CSF2RA: variants seen among roughly 807,000 people sequenced by gnomAD.
The protein encoded by CSF2RA is granulocyte-macrophage colony-stimulating factor receptor subunit alpha.
In CSF2RA, 42 loss-of-function variants were observed where a neutral mutation model predicts 51.6. The ratio of observed to expected loss-of-function variants is 0.81; its 90% CI spans 0.64 to 1.05. The LOEUF is 1.05. Ranked by LOEUF, CSF2RA falls within the 50% of genes least tolerant of loss-of-function variation. The pLI, the probability that CSF2RA is intolerant of heterozygous loss-of-function variation, is 0.00. For missense variants in CSF2RA, 530 were observed against 501.1 expected (o/e 1.06, Z -0.55); for synonymous variants, 222 against 193.0 (o/e 1.15, Z -1.24).
At chrX:1,324,590 GAA>G in the CSF2RA span, among the ~76,000 whole-genome samples, 1 of 151,278 alleles carries the variant, frequency 6.6e-6, no homozygotes, top group Non-Finnish European at 1.5e-5. Context: ...GAAAGAAAGA[GAA>G]AGAGAGAAAG....
At chrX:1,282,599 A>G in intron 2 of CSF2RA, 79 bp from the exon 3 acceptor site, 2 of 1,058,658 alleles carry the variant, frequency 1.9e-6, no homozygotes, top group Non-Finnish European at 3.0e-6. Flanking sequence ...GTTTCCCCAA[A>G]TCACCTCCCT....
the CSF2RA span, among the ~76,000 whole-genome samples, chrX:1,316,266 A>G: frequency 0.21 from 14,324 of 66,892 alleles, 650 homozygotes; most frequent in Middle Eastern, 0.26. Flanking sequence ...TAGATGATAG[A>G]TAGATAGATA....
intron 1 of CSF2RA, 47 bp from the exon 2 acceptor site, chrX:1,274,708 T>C (rs1480529495): frequency 1.1e-5 from 5 of 452,362 alleles, no homozygotes; most frequent in Non-Finnish European, 2.2e-5. Flanking sequence ...GTTTCCACTA[T>C]AACCTTTCAT....
chrX:1,311,372 C>G (rs138157973), downstream of CSF2RA, among the ~76,000 whole-genome samples: 221 of 152,134 alleles, frequency 1.5e-3, 2 homozygotes, highest in East Asian at 0.036. Flanking sequence ...TGTTGAGCTT[C>G]TCAGCAGCAG....
downstream of CSF2RA, among the ~76,000 whole-genome samples, chrX:1,311,695 C>T (rs1342287194): frequency 5.3e-5 from 8 of 152,148 alleles, no homozygotes; most frequent in Admixed American, 1.3e-4. Context: ...CCCCCCTTGG[C>T]GTCTCCACGT....
the CSF2RA span, among the ~76,000 whole-genome samples, chrX:1,315,400 ATT>A: frequency 2.4e-4 from 37 of 152,018 alleles, no homozygotes; most frequent in African/African-American, 8.7e-4. Flanking sequence ...GATGAATTTT[ATT>A]TTATTTTATT....
chrX:1,305,810 G>C, intron 12 of CSF2RA: 1 of 1,545,290 alleles, frequency 6.5e-7, no homozygotes, highest in Non-Finnish European at 8.8e-7. Context: ...GCCAGGCACG[G>C]TGGCTCATGC....
intron 10 of CSF2RA, 79 bp downstream of exon 10, chrX:1,300,705 T>C (rs1233677005): frequency 6.3e-7 from 1 of 1,587,588 alleles, no homozygotes. Context: ...AGGTGCTCTG[T>C]CCTGGGCGCT....
intron 9 of CSF2RA, among the ~76,000 whole-genome samples, chrX:1,299,515 C>T (rs1461696223): frequency 1.3e-5 from 2 of 152,154 alleles, no homozygotes; most frequent in Non-Finnish European, 2.9e-5. Context: ...AGCTCCACCT[C>T]CCAGCGATTG....
chrX:1,314,300 A>C (rs1295807823), downstream of CSF2RA, among the ~76,000 whole-genome samples: 135 of 41,808 alleles, frequency 3.2e-3, 5 homozygotes, highest in African/African-American at 0.011. Context: ...CTGCCCAACC[A>C]CTCTGTGCCT....
At chrX:1,323,156 AT>A in the CSF2RA span, among the ~76,000 whole-genome samples, 10,893 of 149,630 alleles carry the variant, frequency 0.073, 1,249 homozygotes, top group African/African-American at 0.25. Flanking sequence ...ATACATTACA[AT>A]TATAAAATAA....
the CSF2RA span, among the ~76,000 whole-genome samples, chrX:1,323,431 G>C: frequency 6.6e-6 from 1 of 152,072 alleles, no homozygotes; most frequent in Non-Finnish European, 1.5e-5. Flanking sequence ...TGGCTGCAGA[G>C]AGGAGCATGT....
chrX:1,323,689 G>C, the CSF2RA span, among the ~76,000 whole-genome samples: 4 of 151,772 alleles, frequency 2.6e-5, no homozygotes, highest in Admixed American at 2.6e-4. Context: ...TTTGAGGCTA[G>C]CCTGGGCAAC....
chrX:1,321,362 G>C, the CSF2RA span, among the ~76,000 whole-genome samples: 1 of 151,954 alleles, frequency 6.6e-6, no homozygotes, highest in Non-Finnish European at 1.5e-5. Context: ...CCAGCTACTC[G>C]GGAGGCTGAG....
At chrX:1,303,541 A>G (rs1672078871) in intron 10 of CSF2RA, among the ~76,000 whole-genome samples, 1 of 151,588 alleles carries the variant, frequency 6.6e-6, no homozygotes, top group Non-Finnish European at 1.5e-5. Flanking sequence ...TGCCTGGCCC[A>G]ATTTTTGTAT....
intron 7 of CSF2RA, among the ~76,000 whole-genome samples, chrX:1,290,719 G>T (rs745915254): frequency 1.4e-4 from 22 of 152,126 alleles, no homozygotes; most frequent in East Asian, 1.2e-3. Flanking sequence ...ACAAAAATTA[G>T]CCGGGCATGG....
downstream of CSF2RA, among the ~76,000 whole-genome samples, chrX:1,314,953 G>C (rs866695414): frequency 1.4e-5 from 1 of 73,874 alleles, no homozygotes; most frequent in Non-Finnish European, 2.6e-5. Flanking sequence ...ACCCCTCTGT[G>C]CCTGCCCAAC....
intron 10 of CSF2RA, among the ~76,000 whole-genome samples, chrX:1,301,772 AT>A (rs1158963938): frequency 2.6e-3 from 334 of 128,432 alleles, no homozygotes; most frequent in Middle Eastern, 4.0e-3. Flanking sequence ...AATTTTTTGT[AT>A]TTTTTTTTTT....
chrX:1,312,628 C>T (rs2084238301), downstream of CSF2RA, among the ~76,000 whole-genome samples: 2 of 152,094 alleles, frequency 1.3e-5, no homozygotes, highest in Non-Finnish European at 2.9e-5. Context: ...ATTCAATCGC[C>T]ACAGATACCG....
Sources: allele counts gnomAD v4.1 joint callset (sites outside exome capture counted in the v4.1 genomes callset), GRCh38; gene constraint gnomAD v4.1.1; transcripts MANE v1.5; gene names NCBI Gene and HGNC (gene_info 2026-07-23, HGNC 2026-07-21).